SPTLC2: variants seen among roughly 807,000 people sequenced by gnomAD.
SPTLC2 encodes serine palmitoyltransferase long chain base subunit 2.
In SPTLC2, 21 loss-of-function variants were observed where a neutral mutation model predicts 62.0. The ratio of observed to expected loss-of-function variants is 0.34; its 90% CI spans 0.24 to 0.49. The LOEUF (loss-of-function observed/expected upper bound fraction) is 0.49. Ranked by LOEUF, SPTLC2 falls within the 20% of genes least tolerant of loss-of-function variation. The probability of loss-of-function intolerance (pLI) is 0.99; values close to 1 mark genes in which losing one functional copy is unlikely to be tolerated. For missense variants in SPTLC2, 511 were observed against 713.0 expected, an observed-to-expected ratio of 0.72 and a Z score of 3.23; for synonymous variants, 261 against 261.8, an observed-to-expected ratio of 1.00 and a Z score of 0.03.
At chr14:77,584,104 G>C (rs1255086922) in intron 2 of SPTLC2, among the ~76,000 whole-genome samples, 2 of 152,142 alleles carry the variant, frequency 1.3e-5, no homozygotes, top group Admixed American at 1.3e-4. Flanking sequence ...AAGTAGTCTA[G>C]GGACATCTCA....
chr14:77,509,535 T>G lies in SPTLC2; in HGVS notation c.*2749A>C, dbSNP rs138960830. 460 of 209,634 alleles carry G rather than the reference T, an allele frequency of 2.2e-3. No homozygotes were observed. Among genetic ancestry groups the G allele is most frequent in the Non-Finnish European group, 3.4e-3 (359 of 106,180 alleles). 13.0% of individuals were successfully genotyped at this position (209,634 alleles called of 1,614,324 possible). ...CTCAGATGATCAGTTTTGGTAGTCATGGTTAACCGGTATCTGTTTGAATCC... is the reference window on the plus strand; with the variant it reads ...CTCAGATGATCAGTTTTGGTAGTCAGGGTTAACCGGTATCTGTTTGAATCC... On this transcript the variant is annotated 3_prime_UTR_variant, in exon 12 of 12. Coordinates refer to ENST00000216484, the MANE Select transcript of SPTLC2 (RefSeq NM_004863.4).
At chr14:77,566,566 C>T (rs540811984) in intron 5 of SPTLC2, among the ~76,000 whole-genome samples, 1 of 152,170 alleles carries the variant, frequency 6.6e-6, no homozygotes, top group African/African-American at 2.4e-5. Context: ...CCCGGGTTCA[C>T]GCCATTCTCC....
intron 1 of SPTLC2, among the ~76,000 whole-genome samples, chr14:77,615,271 T>C (rs2079960330): frequency 6.6e-6 from 1 of 152,236 alleles, no homozygotes. Flanking sequence ...AAGTCTGCTT[T>C]ACTTATTTTT....
intron 4 of SPTLC2, among the ~76,000 whole-genome samples, chr14:77,571,645 A>C (rs995137775): frequency 1.3e-5 from 2 of 152,204 alleles, no homozygotes; most frequent in Admixed American, 6.5e-5. Context: ...GAAGAATGCT[A>C]AACTTGGATG....
At chr14:77,539,011 G>T (rs1056996431) in intron 9 of SPTLC2, among the ~76,000 whole-genome samples, 3 of 151,874 alleles carry the variant, frequency 2.0e-5, no homozygotes, top group African/African-American at 7.3e-5. Flanking sequence ...CAATGGGGAT[G>T]ATGATGATGA....
chr14:77,529,445 A>G (rs2079425854), intron 9 of SPTLC2, among the ~76,000 whole-genome samples: 1 of 151,690 alleles, frequency 6.6e-6, no homozygotes, highest in Non-Finnish European at 1.5e-5. Flanking sequence ...ACAAGTGTTT[A>G]TAACATCAGA....
intron 4 of SPTLC2, among the ~76,000 whole-genome samples, chr14:77,575,327 C>T (rs1030218424): frequency 2.6e-5 from 4 of 152,108 alleles, no homozygotes; most frequent in Admixed American, 2.0e-4. Flanking sequence ...TTTTAAATTT[C>T]GTGAGCTGAC....
At chr14:77,585,134 C>T (rs532049315) in intron 2 of SPTLC2, among the ~76,000 whole-genome samples, 2 of 152,282 alleles carry the variant, frequency 1.3e-5, no homozygotes, top group South Asian at 2.1e-4. Flanking sequence ...TCACTGCTCT[C>T]GCCCCTCCAC....
At chr14:77,583,464 A>T in intron 2 of SPTLC2, among the ~76,000 whole-genome samples, 1 of 152,096 alleles carries the variant, frequency 6.6e-6, no homozygotes, top group East Asian at 1.9e-4. Flanking sequence ...TGAGTACTCG[A>T]TACATACTGG....
At chr14:77,541,148 C>A (rs1350494329) in intron 9 of SPTLC2, among the ~76,000 whole-genome samples, 1 of 152,112 alleles carries the variant, frequency 6.6e-6, no homozygotes, top group African/African-American at 2.4e-5. Flanking sequence ...CCTGTCTCAG[C>A]ACCTCAAGTA....
At chr14:77,547,174 AT>A (rs58170769) in intron 9 of SPTLC2, among the ~76,000 whole-genome samples, 121,528 of 147,454 alleles carry the variant, frequency 0.82, 49,996 homozygotes, top group East Asian at 0.95. Flanking sequence ...GGAAACAAGT[AT>A]TTTTTTTTTT....
intron 9 of SPTLC2, among the ~76,000 whole-genome samples, chr14:77,549,076 G>C (rs931781034): frequency 6.6e-6 from 1 of 152,162 alleles, no homozygotes; most frequent in African/African-American, 2.4e-5. Context: ...CAATGACGGA[G>C]GTAGGGCCTG....
chr14:77,585,921 C>T (rs2140046591), intron 2 of SPTLC2, among the ~76,000 whole-genome samples: 2 of 152,192 alleles, frequency 1.3e-5, no homozygotes, highest in Admixed American at 1.3e-4. Flanking sequence ...GGAGCATAGC[C>T]CTAAACGTAA....
At chr14:77,588,475 G>C (rs1315241402) in intron 2 of SPTLC2, among the ~76,000 whole-genome samples, 1 of 151,326 alleles carries the variant, frequency 6.6e-6, no homozygotes, top group Non-Finnish European at 1.5e-5. Flanking sequence ...TGGATCGCTT[G>C]AGCTCAGGAG....
chr14:77,526,025 T>C (rs1037961036), intron 9 of SPTLC2, among the ~76,000 whole-genome samples: 3 of 152,212 alleles, frequency 2.0e-5, no homozygotes, highest in Non-Finnish European at 4.4e-5. Flanking sequence ...GGAAATTTCT[T>C]ATGGTTTAAC....
intron 9 of SPTLC2, among the ~76,000 whole-genome samples, chr14:77,522,242 C>A (rs1188205664): frequency 6.6e-6 from 1 of 152,066 alleles, no homozygotes; most frequent in Non-Finnish European, 1.5e-5. Context: ...TGGCTCACTG[C>A]AATCTCTGCT....
intron 9 of SPTLC2, among the ~76,000 whole-genome samples, chr14:77,521,819 TG>T (rs1399102916): frequency 6.6e-6 from 1 of 152,208 alleles, no homozygotes; most frequent in Non-Finnish European, 1.5e-5. Context: ...AAACGTTTAA[TG>T]GAGCGTTAGC....
At position 77,522,015 on chromosome 14, in the gene SPTLC2, G is replaced by C. The variant is rs528241633; in HGVS notation, c.1304-434C>G. Among the ~76,000 whole-genome samples, 4 of 152,228 alleles carry C rather than the reference G, an allele frequency of 2.6e-5. No individual in the cohort carries two copies. The South Asian group carries it at 8.3e-4, about 32-fold the overall frequency. On this transcript the variant is annotated intron_variant, in intron 9 of 11. Coordinates refer to ENST00000216484, the MANE Select transcript of SPTLC2 (RefSeq NM_004863.4). ...GTAGCAAGTGGCATAGCTGCAACTAGAATTTACATCTTCTAACTTTAAGAT... is the reference window on the plus strand; with the variant it reads ...GTAGCAAGTGGCATAGCTGCAACTACAATTTACATCTTCTAACTTTAAGAT...
At chr14:77,565,242 CAAAA>C (rs59356054) in intron 5 of SPTLC2, among the ~76,000 whole-genome samples, 1 of 33,706 alleles carries the variant, frequency 3.0e-5, no homozygotes, top group African/African-American at 1.3e-4. Flanking sequence ...AACTCCATCT[CAAAA>C]AAAAAAAAAA....
Sources: allele counts gnomAD v4.1 joint callset (sites outside exome capture counted in the v4.1 genomes callset), GRCh38; gene constraint gnomAD v4.1.1; transcripts MANE v1.5; gene names NCBI Gene and HGNC (gene_info 2026-07-23, HGNC 2026-07-21).